SNX10: variants seen among roughly 807,000 people sequenced by gnomAD.
The protein encoded by SNX10 is sorting nexin-10.
In SNX10, 25 loss-of-function variants were observed where a neutral mutation model predicts 28.5. The ratio of observed to expected loss-of-function variants is 0.88; its 90% CI spans 0.64 to 1.22. The LOEUF is 1.22. SNX10 is among the 50% of genes most tolerant of loss of function. The pLI, the probability that SNX10 is intolerant of heterozygous loss-of-function variation, is 0.00. For synonymous variants in SNX10, 62 were observed against 81.4 expected, an observed-to-expected ratio of 0.76 and a Z score of 1.28; for missense variants, 223 against 242.6, an observed-to-expected ratio of 0.92 and a Z score of 0.54.
intron 2 of SNX10, among the ~76,000 whole-genome samples, chr7:26,357,637 CT>C (rs1688008178): frequency 6.6e-6 from 1 of 152,116 alleles, no homozygotes; most frequent in South Asian, 2.1e-4. Flanking sequence ...ATTAGCAGTT[CT>C]TGCATTAATG....
chr7:26,368,842 A>G (rs1789396741), intron 5 of SNX10, among the ~76,000 whole-genome samples: 1 of 152,050 alleles, frequency 6.6e-6, no homozygotes, highest in Non-Finnish European at 1.5e-5. Flanking sequence ...TTTTTTCTAC[A>G]TCAAACTGCT....
At chr7:26,295,983 C>T (rs1036037644) in intron 1 of SNX10, among the ~76,000 whole-genome samples, 1 of 152,172 alleles carries the variant, frequency 6.6e-6, no homozygotes, top group East Asian at 1.9e-4. Context: ...AAACAAAATT[C>T]CCTGGGCCGG....
rs57340085 is a variant in SNX10, at chr7:26,335,735, CTTTTTTTTTTTTT to C, written c.-23-10671_-23-10659del. Among the ~76,000 whole-genome samples, 24 of 84,256 alleles carry C rather than the reference CTTTTTTTTTTTTT, an allele frequency of 2.8e-4. 1 individual carries two copies. The highest frequency in any genetic ancestry group is 1.7e-3 in the Admixed American group (12 of 6,964). The allele number at this position is 84,256 out of a possible 152,430, so 55.3% of individuals were successfully genotyped here. On this transcript the variant is annotated intron_variant, in intron 1 of 6. Coordinates refer to ENST00000338523, the MANE Select transcript of SNX10 (RefSeq NM_013322.3). ...AAAATAACCTCGCAGATGGAATATT[CTTTTTTTTTTTTT>C]TTTTTTTTTTTTTGAGACGGAGTCT...
chr7:26,298,894 A>G (rs1001188419), intron 1 of SNX10, among the ~76,000 whole-genome samples: 1 of 152,180 alleles, frequency 6.6e-6, no homozygotes, highest in East Asian at 1.9e-4. Context: ...TTGGTGTCTC[A>G]CCAGTCCCAT....
chr7:26,313,341 C>T (rs138917500), intron 1 of SNX10, among the ~76,000 whole-genome samples: 7 of 152,310 alleles, frequency 4.6e-5, no homozygotes, highest in African/African-American at 1.2e-4. Flanking sequence ...TTTAGAGCTG[C>T]TTAATTAATC....
intron 2 of SNX10, among the ~76,000 whole-genome samples, chr7:26,350,800 A>G (rs1788567282): frequency 1.3e-5 from 2 of 152,170 alleles, no homozygotes; most frequent in African/African-American, 4.8e-5. Context: ...AAGCAAAGAA[A>G]GGCAGCTGGG....
In SNX10 at chr7:26,338,073, C is replaced by T. The variant is rs150706894; in HGVS notation, c.-23-8347C>T. On this transcript the variant is annotated intron_variant, in intron 1 of 6. Transcript: ENST00000338523. ...TTCATATGTTTATTGGCCCTTTGCA[C>T]GTCATCTTTGGAGAAACGTCTATCA... Among the ~76,000 whole-genome samples the T allele has an allele frequency of 3.9e-4, 58 of 149,386 alleles. No homozygotes were observed. In the East Asian group the frequency reaches 6.8e-3, roughly 18 times the overall value.
chr7:26,303,632 G>T (rs1164418879), intron 1 of SNX10, among the ~76,000 whole-genome samples: 1 of 152,064 alleles, frequency 6.6e-6, no homozygotes, highest in Non-Finnish European at 1.5e-5. Flanking sequence ...AGCTCCTTGG[G>T]GCCTGTTCTG....
intron 5 of SNX10, among the ~76,000 whole-genome samples, chr7:26,371,381 T>G (rs1288486775): frequency 6.6e-6 from 1 of 152,176 alleles, no homozygotes; most frequent in Non-Finnish European, 1.5e-5. Flanking sequence ...TTGTATTTTC[T>G]TCATATAATT....
intron 1 of SNX10, among the ~76,000 whole-genome samples, chr7:26,329,193 C>G (rs985988446): frequency 3.9e-5 from 6 of 152,260 alleles, no homozygotes; most frequent in Non-Finnish European, 8.8e-5. Context: ...GCCCACATCT[C>G]TCTTTCTGAG....
chr7:26,341,161 T>C (rs1264876484), intron 1 of SNX10, among the ~76,000 whole-genome samples: 1 of 152,168 alleles, frequency 6.6e-6, no homozygotes, highest in East Asian at 1.9e-4. Flanking sequence ...TAGTCAGGCA[T>C]GGTGGCTTGT....
At chr7:26,356,098 C>G (rs1251755880) in intron 2 of SNX10, among the ~76,000 whole-genome samples, 1 of 152,032 alleles carries the variant, frequency 6.6e-6, no homozygotes, top group Non-Finnish European at 1.5e-5. Flanking sequence ...GGATAATGGT[C>G]AAACCTGGGG....
In SNX10 at chr7:26,373,366, T is replaced by C. The variant is rs1288429902; in HGVS notation, c.*794T>C. Reference sequence around the variant, plus strand: ...TAATGATTTATTTTTTGACTAAATGTGCAATTTCTTATCACTAGATAACTT... The same window carrying C: ...TAATGATTTATTTTTTGACTAAATGCGCAATTTCTTATCACTAGATAACTT... On this transcript the variant is annotated 3_prime_UTR_variant, in exon 7 of 7. Transcript: ENST00000338523. The surrounding 1 kb of genome is among the most constrained non-coding windows in gnomAD (Gnocchi z 4.2). The C allele has an allele frequency of 1.3e-5, 2 of 152,094 alleles. No homozygotes were observed. The highest frequency in any genetic ancestry group is 2.9e-5 in the Non-Finnish European group (2 of 67,912). 9.4% of individuals were successfully genotyped at this position (152,094 alleles called of 1,614,324 possible).
rs1325797010 is a variant in SNX10, at chr7:26,374,211, T to C, written c.*1639T>C. The C allele has an allele frequency of 6.6e-6, 1 of 152,046 alleles. No individual in the cohort carries two copies. Among genetic ancestry groups the C allele is most frequent in the Non-Finnish European group, 1.5e-5 (1 of 67,884 alleles). 9.4% of individuals were successfully genotyped at this position (152,046 alleles called of 1,614,324 possible). ...TGAAAAACACATACTATGCCACCAA[T>C]TGTCATATTATTTTTAGATGATGTA... On this transcript the variant is annotated 3_prime_UTR_variant, in exon 7 of 7. Transcript: ENST00000338523.
chr7:26,357,370 C>T (rs1361811016), intron 2 of SNX10, among the ~76,000 whole-genome samples: 2 of 145,794 alleles, frequency 1.4e-5, no homozygotes, highest in African/African-American at 2.5e-5. Context: ...CCTAGCAATC[C>T]AGGCAGAGAA....
chr7:26,349,958 C>T (rs1788533716), intron 2 of SNX10, among the ~76,000 whole-genome samples: 1 of 152,220 alleles, frequency 6.6e-6, no homozygotes, highest in African/African-American at 2.4e-5. Flanking sequence ...CTCCCTCCTC[C>T]ATAAGGGCAC....
chr7:26,313,169 G>A (rs1786919832), intron 1 of SNX10, among the ~76,000 whole-genome samples: 2 of 152,272 alleles, frequency 1.3e-5, no homozygotes, highest in East Asian at 1.9e-4. Context: ...AAAAGAGAAC[G>A]AGGCTAACTA....
At chr7:26,369,710 C>G (rs912498838) in intron 5 of SNX10, among the ~76,000 whole-genome samples, 6 of 152,244 alleles carry the variant, frequency 3.9e-5, no homozygotes, top group Middle Eastern at 6.8e-3. Context: ...CTCTTTTCAT[C>G]TGTGTGTCCT....
At chr7:26,331,344 G>T (rs1010012367) in intron 1 of SNX10, among the ~76,000 whole-genome samples, 16 of 152,120 alleles carry the variant, frequency 1.1e-4, no homozygotes, top group Admixed American at 3.3e-4. Context: ...CCAGCTCTTC[G>T]CAAGGCCAAG....
Sources: allele counts gnomAD v4.1 joint callset (sites outside exome capture counted in the v4.1 genomes callset), GRCh38; gene constraint gnomAD v4.1.1; non-coding constraint Gnocchi (gnomAD v3.1); transcripts MANE v1.5; gene names NCBI Gene and HGNC (gene_info 2026-07-23, HGNC 2026-07-21).